The following ARHGAP42 variants were observed in gnomAD, a reference collection of about 807,000 sequenced individuals.
The protein encoded by ARHGAP42 is Rho GTPase activating protein 42.
ARHGAP42 carries 63 observed loss-of-function variants against 125.0 expected under a neutral mutation model. The ratio of observed to expected loss-of-function variants is 0.50; its 90% CI spans 0.41 to 0.62. ARHGAP42 has a LOEUF of 0.62. ARHGAP42 is among the 20% of genes least tolerant of loss of function. The pLI, the probability that ARHGAP42 is intolerant of heterozygous loss-of-function variation, is 0.00. For missense variants in ARHGAP42, 766 were observed against 1,024.2 expected (o/e 0.75, Z 3.44); for synonymous variants, 339 against 351.0 (o/e 0.97, Z 0.38).
At chr11:100,940,612 C>T (rs1459649570) in intron 8 of ARHGAP42, among the ~76,000 whole-genome samples, 1 of 152,146 alleles carries the variant, frequency 6.6e-6, no homozygotes, top group African/African-American at 2.4e-5. Context: ...AGAAAGTGAA[C>T]ATTACACATA....
rs1410209824 is a variant in ARHGAP42, at chr11:100,813,084, C to T, written c.312+17918C>T. ...GTGTTCAGATGCTAGGTTTATTTTG[C>T]AGGTGATACTAAGAGGATTTGCTCA... is the stretch of plus-strand genomic sequence containing the variant. On this transcript the variant is annotated intron_variant, in intron 3 of 23. Transcript: ENST00000298815. Among the ~76,000 whole-genome samples the T allele has an allele frequency of 2.0e-5, 3 of 151,926 alleles. No individual in the cohort carries two copies. The Admixed American group carries it at 2.0e-4, about 10-fold the overall frequency.
At chr11:100,962,968 A>C (rs941394179) in intron 16 of ARHGAP42, among the ~76,000 whole-genome samples, 1 of 152,232 alleles carries the variant, frequency 6.6e-6, no homozygotes, top group Admixed American at 6.5e-5. Flanking sequence ...ATTAACTGAA[A>C]TATTTTGACA....
intron 6 of ARHGAP42, among the ~76,000 whole-genome samples, chr11:100,922,301 G>A (rs1867298724): frequency 6.6e-6 from 1 of 152,106 alleles, no homozygotes; most frequent in Non-Finnish European, 1.5e-5. Flanking sequence ...AGTGTAAAAT[G>A]TAATGGATTT....
chr11:100,976,958 C>T lies in ARHGAP42; in HGVS notation c.2380C>T (p.Arg794Trp), dbSNP rs923803690. The T allele has an allele frequency of 5.0e-5, 78 of 1,551,212 alleles. No individual in the cohort carries two copies. Among genetic ancestry groups the T allele is most frequent in the East Asian group, 1.5e-4 (6 of 40,924 alleles). ...CACTGCCTCAAGCAATGGCTATCAGCGGCCTGGCTCAGTGTAAGTGAGCGT... is the reference window on the plus strand; with the variant it reads ...CACTGCCTCAAGCAATGGCTATCAGTGGCCTGGCTCAGTGTAAGTGAGCGT... ...LDTASSNGYQ[R>W]PGSVVAAKAQ... The change falls in exon 21 of 24, where the codon CGG (arginine) becomes TGG (tryptophan). Residue 794 changes from arginine (R) to tryptophan (W), a missense_variant. Coordinates refer to ENST00000298815, the MANE Select transcript of ARHGAP42 (RefSeq NM_152432.4).
At chr11:100,921,220 T>C (rs1565276560) in intron 5 of ARHGAP42, among the ~76,000 whole-genome samples, 1 of 59,858 alleles carries the variant, frequency 1.7e-5, no homozygotes, top group Non-Finnish European at 3.0e-5. Context: ...TATACATATA[T>C]ATATATATAT....
intron 14 of ARHGAP42, among the ~76,000 whole-genome samples, chr11:100,961,425 G>C (rs899915093): frequency 1.3e-5 from 2 of 152,102 alleles, no homozygotes; most frequent in African/African-American, 4.8e-5. Context: ...AAGCATGCTA[G>C]GCACATGGTA....
chr11:100,781,283 C>G (rs1463886608), intron 2 of ARHGAP42, among the ~76,000 whole-genome samples: 1 of 149,110 alleles, frequency 6.7e-6, no homozygotes, highest in East Asian at 1.9e-4. Context: ...ACAACATGAA[C>G]TGTTTTTTTT....
intron 3 of ARHGAP42, among the ~76,000 whole-genome samples, chr11:100,814,781 C>G (rs1336197075): frequency 6.6e-6 from 1 of 152,222 alleles, no homozygotes; most frequent in Non-Finnish European, 1.5e-5. Flanking sequence ...AAGGATCCAC[C>G]TTCATGATCC....
chr11:100,809,100 G>GT (rs1316746483), intron 3 of ARHGAP42, among the ~76,000 whole-genome samples: 2 of 152,208 alleles, frequency 1.3e-5, no homozygotes, highest in South Asian at 2.1e-4. Context: ...CCTCTAAGAG[G>GT]TTTTTTATCT....
At chr11:100,854,469 TA>T (rs996026617) in intron 3 of ARHGAP42, among the ~76,000 whole-genome samples, 43 of 152,316 alleles carry the variant, frequency 2.8e-4, no homozygotes, top group African/African-American at 9.6e-4. Context: ...AGTATCCAGA[TA>T]GCCTTACATA....
chr11:100,858,162 TAGAG>T (rs984930607), intron 3 of ARHGAP42, among the ~76,000 whole-genome samples: 1 of 149,390 alleles, frequency 6.7e-6, no homozygotes, highest in African/African-American at 2.5e-5. Flanking sequence ...ATAGAGGTTT[TAGAG>T]AGAGAATTAA....
chr11:100,702,518 G>T (rs1450597471), intron 1 of ARHGAP42, among the ~76,000 whole-genome samples: 1 of 151,366 alleles, frequency 6.6e-6, no homozygotes, highest in African/African-American at 2.4e-5. Context: ...TGGAAAAGTG[G>T]TATCAATAGA....
intron 22 of ARHGAP42, among the ~76,000 whole-genome samples, chr11:100,985,204 T>G (rs139829239): frequency 8.1e-4 from 124 of 152,352 alleles, no homozygotes; most frequent in Non-Finnish European, 1.6e-3. Context: ...AAGTGTAGTT[T>G]TGAAAATTAG....
At chr11:100,868,439 T>G (rs920966933) in intron 4 of ARHGAP42, among the ~76,000 whole-genome samples, 1 of 152,206 alleles carries the variant, frequency 6.6e-6, no homozygotes, top group Non-Finnish European at 1.5e-5. Flanking sequence ...GTAAACTTAC[T>G]TAATCCTCAC....
At chr11:100,757,816 G>A (rs1364457038) in intron 1 of ARHGAP42, among the ~76,000 whole-genome samples, 1 of 152,096 alleles carries the variant, frequency 6.6e-6, no homozygotes, top group African/African-American at 2.4e-5. Flanking sequence ...TTCCCTGGCA[G>A]CCCAGGCTCA....
intron 4 of ARHGAP42, among the ~76,000 whole-genome samples, chr11:100,862,743 A>G (rs991751513): frequency 1.1e-4 from 17 of 152,100 alleles, no homozygotes; most frequent in Non-Finnish European, 1.3e-4. Context: ...AAAAACAAGC[A>G]TGTTCGGCTG....
At chr11:100,795,897 C>T (rs759659649) in intron 3 of ARHGAP42, among the ~76,000 whole-genome samples, 2 of 152,158 alleles carry the variant, frequency 1.3e-5, no homozygotes, top group Non-Finnish European at 2.9e-5. Context: ...TAGTCAGTTA[C>T]AGTGAGGGTT....
intron 1 of ARHGAP42, among the ~76,000 whole-genome samples, chr11:100,759,307 C>T (rs985785237): frequency 2.0e-5 from 3 of 152,162 alleles, no homozygotes; most frequent in African/African-American, 7.2e-5. Flanking sequence ...TGGTTTTCCT[C>T]TCTTCCTCAT....
At chr11:100,877,900 G>T (rs559335603) in intron 4 of ARHGAP42, among the ~76,000 whole-genome samples, 1 of 151,002 alleles carries the variant, frequency 6.6e-6, no homozygotes, top group South Asian at 2.1e-4. Context: ...AGCTACTCGA[G>T]AGGCTGAAGC....
Sources: allele counts gnomAD v4.1 joint callset (sites outside exome capture counted in the v4.1 genomes callset), GRCh38; gene constraint gnomAD v4.1.1; transcripts MANE v1.5; gene names NCBI Gene and HGNC (gene_info 2026-07-23, HGNC 2026-07-21).